The following RPS6KC1 variants were observed in gnomAD, a reference collection of about 807,000 sequenced individuals.
RPS6KC1 encodes ribosomal protein S6 kinase C1.
RPS6KC1 carries 54 observed loss-of-function variants against 103.8 expected under a neutral mutation model. The observed-to-expected ratio is 0.52, with a 90% CI of 0.42 to 0.65. The LOEUF (loss-of-function observed/expected upper bound fraction) is 0.65. Among genes scored for constraint, RPS6KC1 ranks in the 30% least tolerant of loss-of-function variants. The probability of loss-of-function intolerance (pLI) is 0.00; values close to 1 mark genes in which losing one functional copy is unlikely to be tolerated. For missense variants in RPS6KC1, 1,151 were observed against 1,253.8 expected, an observed-to-expected ratio of 0.92 and a Z score of 1.24; for synonymous variants, 439 against 438.7, an observed-to-expected ratio of 1.00 and a Z score of -0.01.
At chr1:213,363,815 T>TTTCTTTCTTTCTTCTC in the RPS6KC1 span, among the ~76,000 whole-genome samples, 19 of 69,584 alleles carry the variant, frequency 2.7e-4, no homozygotes, top group Middle Eastern at 7.8e-3. Flanking sequence ...TCTTTCTTTC[T>TTTCTTTCTTTCTTCTC]TCTCTCTTTT....
At chr1:213,237,475 T>C (rs1253550636) in intron 10 of RPS6KC1, among the ~76,000 whole-genome samples, 1 of 152,090 alleles carries the variant, frequency 6.6e-6, no homozygotes. Flanking sequence ...TTAAATTGTT[T>C]CCAGTACTCA....
chr1:213,232,376 A>G (rs1311316781), intron 10 of RPS6KC1, 121 bp downstream of exon 10: 30 of 1,252,318 alleles, frequency 2.4e-5, no homozygotes, highest in African/African-American at 1.5e-5. Context: ...ACCATTTCCT[A>G]TTCCTCTGCT....
chr1:213,371,549 G>T, the RPS6KC1 span, among the ~76,000 whole-genome samples: 3 of 152,122 alleles, frequency 2.0e-5, 1 homozygote, highest in South Asian at 6.2e-4. Context: ...GCCACTTTAC[G>T]TTCCCACCAA....
intron 2 of RPS6KC1, among the ~76,000 whole-genome samples, chr1:213,073,409 T>G (rs1572351456): frequency 6.6e-6 from 1 of 152,330 alleles, no homozygotes; most frequent in Non-Finnish European, 1.5e-5. Flanking sequence ...TTCCTAAGAA[T>G]GCTAAAAGAT....
rs2095073924 is a variant in RPS6KC1 at position 213,272,712 on chromosome 1, A to G, written c.*78A>G. 2.9e-6 allele frequency: 3 copies of G among 1,022,558 alleles called. No individual in the cohort carries two copies. The highest frequency in any genetic ancestry group is 3.1e-6 in the Non-Finnish European group (2 of 653,070). The allele number at this position is 1,022,558 out of a possible 1,614,324, so 63.3% of individuals were successfully genotyped here. Reference sequence around the variant, plus strand: ...TCCAGCACTGAGGCACCTCTGACTCACAGTTACTTATGGAGCACCAAAGCA... The same window carrying G: ...TCCAGCACTGAGGCACCTCTGACTCGCAGTTACTTATGGAGCACCAAAGCA... On this transcript the variant is annotated 3_prime_UTR_variant, in exon 15 of 15. Coordinates refer to ENST00000366960, the MANE Select transcript of RPS6KC1 (RefSeq NM_012424.6).
chr1:213,176,080 CAA>C (rs1049379323), intron 7 of RPS6KC1, among the ~76,000 whole-genome samples: 1 of 152,120 alleles, frequency 6.6e-6, no homozygotes, highest in African/African-American at 2.4e-5. Context: ...CCATTTGTTA[CAA>C]AGTTTTATGA....
chr1:213,809,100 T>C, the RPS6KC1 span, among the ~76,000 whole-genome samples: 1 of 152,228 alleles, frequency 6.6e-6, no homozygotes, highest in Non-Finnish European at 1.5e-5. Flanking sequence ...TTATTATTTC[T>C]AGCTTTTGAT....
the RPS6KC1 span, among the ~76,000 whole-genome samples, chr1:213,580,802 A>G: frequency 6.6e-6 from 1 of 151,916 alleles, no homozygotes; most frequent in Non-Finnish European, 1.5e-5. Context: ...TAAGGTGTAG[A>G]CATTATTTTT....
chr1:213,740,102 CAG>C, the RPS6KC1 span, among the ~76,000 whole-genome samples: 1 of 151,992 alleles, frequency 6.6e-6, no homozygotes, highest in Non-Finnish European at 1.5e-5. Flanking sequence ...AAAGGTGAAA[CAG>C]AGAAATAAGT....
chr1:213,763,394 G>A, the RPS6KC1 span, among the ~76,000 whole-genome samples: 8 of 152,170 alleles, frequency 5.3e-5, no homozygotes, highest in African/African-American at 1.9e-4. Flanking sequence ...GGAGTCCAGC[G>A]AGCTGATGGC....
At chr1:213,554,851 C>A in the RPS6KC1 span, among the ~76,000 whole-genome samples, 12 of 152,230 alleles carry the variant, frequency 7.9e-5, no homozygotes, top group Admixed American at 7.2e-4. Context: ...CTCAAATTGT[C>A]CATTATGCAT....
At chr1:213,209,504 T>C (rs1424130552) in intron 8 of RPS6KC1, among the ~76,000 whole-genome samples, 1 of 152,050 alleles carries the variant, frequency 6.6e-6, no homozygotes, top group Non-Finnish European at 1.5e-5. Flanking sequence ...AAGACCAGCC[T>C]GGCCAACATG....
At chr1:213,291,698 T>C in the RPS6KC1 span, among the ~76,000 whole-genome samples, 1 of 152,032 alleles carries the variant, frequency 6.6e-6, no homozygotes, top group South Asian at 2.1e-4. Context: ...TCCGAGTGAG[T>C]TGCTAACAAT....
At chr1:213,301,551 T>C in the RPS6KC1 span, among the ~76,000 whole-genome samples, 2 of 152,030 alleles carry the variant, frequency 1.3e-5, no homozygotes, top group Non-Finnish European at 2.9e-5. Context: ...GCAAATTCTG[T>C]AGCTGGCCAT....
the RPS6KC1 span, among the ~76,000 whole-genome samples, chr1:213,727,322 G>T: frequency 6.6e-6 from 1 of 152,188 alleles, no homozygotes; most frequent in Non-Finnish European, 1.5e-5. Flanking sequence ...TACTAAGAAA[G>T]TGTGCCTTCT....
At chr1:213,281,700 G>A in the RPS6KC1 span, among the ~76,000 whole-genome samples, 17 of 152,316 alleles carry the variant, frequency 1.1e-4, 2 homozygotes, top group South Asian at 1.7e-3. Context: ...GCTATATCCC[G>A]TAGCTTATCT....
intron 8 of RPS6KC1, among the ~76,000 whole-genome samples, chr1:213,188,899 A>T (rs1379925054): frequency 6.6e-6 from 1 of 151,988 alleles, no homozygotes; most frequent in African/African-American, 2.4e-5. Context: ...AAGTTATAGG[A>T]ACTATAATAG....
intron 7 of RPS6KC1, among the ~76,000 whole-genome samples, chr1:213,173,547 C>T (rs1163750530): frequency 6.6e-6 from 1 of 152,190 alleles, no homozygotes; most frequent in Non-Finnish European, 1.5e-5. Context: ...ACAACTTTTC[C>T]CCAACAGGCT....
chr1:213,271,719 GC>G (rs1473668909), intron 14 of RPS6KC1, among the ~76,000 whole-genome samples: 1 of 143,872 alleles, frequency 7.0e-6, no homozygotes, highest in African/African-American at 2.6e-5. Flanking sequence ...AGTCGAGATC[GC>G]GCCACTGCAC....
Sources: gnomAD v4.1 joint callset for allele counts (sites outside exome capture counted in the v4.1 genomes callset) on GRCh38, gnomAD v4.1.1 for gene constraint, MANE v1.5 for transcripts, NCBI Gene and HGNC (gene_info 2026-07-23, HGNC 2026-07-21) for gene names.